The following SNTB2 variants were observed in gnomAD, a reference collection of about 807,000 sequenced individuals.
SNTB2 encodes syntrophin beta 2, also known as beta-2-syntrophin.
In SNTB2, 34 loss-of-function variants were observed where a neutral mutation model predicts 46.2. The observed-to-expected ratio is 0.74, with a 90% confidence interval of 0.56 to 0.98. The LOEUF (loss-of-function observed/expected upper bound fraction) is 0.98, where lower values mean the gene tolerates loss of function less well. Among genes scored for constraint, SNTB2 ranks in the 50% least tolerant of loss-of-function variants. SNTB2 has a pLI of 0.00. For synonymous variants in SNTB2, 290 were observed against 312.6 expected, an observed-to-expected ratio of 0.93 and a Z score of 0.76; for missense variants, 603 against 731.4, an observed-to-expected ratio of 0.82 and a Z score of 2.02.
chr16:69,248,990 T>C (rs1283815810), intron 2 of SNTB2, among the ~76,000 whole-genome samples: 1 of 149,926 alleles, frequency 6.7e-6, no homozygotes, highest in Non-Finnish European at 1.5e-5. Flanking sequence ...CTGAGAAAAG[T>C]ATAGAGTCAA....
chr16:69,212,052 A>G (rs1489406998), intron 1 of SNTB2, among the ~76,000 whole-genome samples: 3 of 152,206 alleles, frequency 2.0e-5, no homozygotes, highest in Admixed American at 2.0e-4. Flanking sequence ...CTGACTATCA[A>G]CAACCTTTCA....
chr16:69,286,769 G>A (rs1965107239), intron 5 of SNTB2, among the ~76,000 whole-genome samples: 1 of 151,602 alleles, frequency 6.6e-6, no homozygotes, highest in Admixed American at 6.6e-5. Flanking sequence ...AGCTGCTCAG[G>A]TGGCTAAGGT....
At chr16:69,258,605 CTTTTT>C (rs67116274) in intron 2 of SNTB2, among the ~76,000 whole-genome samples, 2 of 83,504 alleles carry the variant, frequency 2.4e-5, no homozygotes, top group African/African-American at 4.7e-5. Context: ...CTTGTTCTTT[CTTTTT>C]TTTTTTTTTT....
intron 1 of SNTB2, among the ~76,000 whole-genome samples, chr16:69,201,757 T>C (rs1211226258): frequency 1.3e-5 from 2 of 152,178 alleles, no homozygotes; most frequent in African/African-American, 4.8e-5. Context: ...AATAGTTATT[T>C]TAGATTTCGT....
At chr16:69,295,184 T>C (rs1965210902) in intron 5 of SNTB2, among the ~76,000 whole-genome samples, 1 of 151,648 alleles carries the variant, frequency 6.6e-6, no homozygotes, top group Admixed American at 6.6e-5. Context: ...TGTGTGTCTT[T>C]TTCTATTTCT....
intron 1 of SNTB2, among the ~76,000 whole-genome samples, chr16:69,234,821 GC>G (rs763555800): frequency 6.6e-6 from 1 of 151,440 alleles, no homozygotes; most frequent in Non-Finnish European, 1.5e-5. Flanking sequence ...TTCTGCCTCA[GC>G]CTCCCAGGTA....
At chr16:69,208,971 A>AGTGTGTGTGTGTGTGT (rs570119837) in intron 1 of SNTB2, among the ~76,000 whole-genome samples, 1 of 149,118 alleles carries the variant, frequency 6.7e-6, no homozygotes, top group Admixed American at 6.6e-5. Flanking sequence ...TGAATTTTTG[A>AGTGTGTGTGTGTGTGT]GTGTGTGTGT....
At chr16:69,279,162 A>G (rs1404428661) in intron 4 of SNTB2, among the ~76,000 whole-genome samples, 1 of 152,146 alleles carries the variant, frequency 6.6e-6, no homozygotes, top group Non-Finnish European at 1.5e-5. Flanking sequence ...TTGAACAACA[A>G]TTCTCCATTT....
rs1343612875 is a variant in SNTB2, at chr16:69,308,011, T to TTGCCCA, written c.*7088_*7093dup. ...GCTTTTCAGGCAACATCCTTGGTCA[T>TTGCCCA]TGCCCAGAAAGTACCTGAGCTATCA... On this transcript the variant is annotated 3_prime_UTR_variant, in exon 7 of 7. Transcript: ENST00000336278. The TTGCCCA allele has an allele frequency of 2.6e-5, 4 of 152,360 alleles. No individual in the cohort carries two copies. The highest frequency in any genetic ancestry group is 5.9e-5 in the Non-Finnish European group (4 of 68,038). The allele number at this position is 152,360 out of a possible 1,614,324, so 9.4% of individuals were successfully genotyped here.
At chr16:69,253,412 GA>G (rs1964744159) in intron 2 of SNTB2, among the ~76,000 whole-genome samples, 1 of 151,818 alleles carries the variant, frequency 6.6e-6, no homozygotes, top group African/African-American at 2.4e-5. Flanking sequence ...CACTTTGGGA[GA>G]CCGAGGCGGG....
intron 1 of SNTB2, among the ~76,000 whole-genome samples, chr16:69,192,795 A>T (rs1964067680): frequency 6.6e-6 from 1 of 152,210 alleles, no homozygotes; most frequent in South Asian, 2.1e-4. Flanking sequence ...ATATATGAAC[A>T]AAGTGCTAGT....
intron 3 of SNTB2, among the ~76,000 whole-genome samples, chr16:69,268,956 G>C (rs9922913): frequency 0.025 from 3,757 of 151,508 alleles, 161 homozygotes; most frequent in African/African-American, 0.086. Flanking sequence ...GATCATCTAA[G>C]ATCAGGAGTT....
At chr16:69,272,889 C>CAAAA (rs34011617) in intron 4 of SNTB2, among the ~76,000 whole-genome samples, 7 of 80,674 alleles carry the variant, frequency 8.7e-5, no homozygotes, top group South Asian at 4.7e-4. Flanking sequence ...GACTCTGTCT[C>CAAAA]AAAAAAAAAA....
At chr16:69,219,779 T>C (rs1964382679) in intron 1 of SNTB2, among the ~76,000 whole-genome samples, 1 of 151,820 alleles carries the variant, frequency 6.6e-6, no homozygotes, top group South Asian at 2.1e-4. Flanking sequence ...GGAGATGGAG[T>C]CTCACTGTGT....
intron 2 of SNTB2, among the ~76,000 whole-genome samples, chr16:69,259,114 T>C (rs1236104417): frequency 6.6e-6 from 1 of 151,986 alleles, no homozygotes. Context: ...TGATCTACTG[T>C]AGACTCTACA....
chr16:69,228,717 A>G (rs914862361), intron 1 of SNTB2, among the ~76,000 whole-genome samples: 1 of 152,122 alleles, frequency 6.6e-6, no homozygotes, highest in Non-Finnish European at 1.5e-5. Flanking sequence ...AAGTATATGT[A>G]TACATACACA....
chr16:69,251,468 T>TA (rs71148976), intron 2 of SNTB2, among the ~76,000 whole-genome samples: 10,913 of 106,136 alleles, frequency 0.1, 618 homozygotes, highest in South Asian at 0.14. Context: ...ATGTTTAGTT[T>TA]AAAAAAAAAA....
chr16:69,268,186 G>A (rs1461103025), intron 3 of SNTB2, among the ~76,000 whole-genome samples: 2 of 152,102 alleles, frequency 1.3e-5, no homozygotes, highest in Non-Finnish European at 1.5e-5. Context: ...ACAATGGGCC[G>A]GGCGCAGTGG....
chr16:69,248,491 G>A (rs1964692483), intron 2 of SNTB2, among the ~76,000 whole-genome samples: 1 of 152,100 alleles, frequency 6.6e-6, no homozygotes, highest in Non-Finnish European at 1.5e-5. Flanking sequence ...AAACAGCCAG[G>A]CATGGTGGCA....
Sources: allele counts gnomAD v4.1 joint callset (sites outside exome capture counted in the v4.1 genomes callset), GRCh38; gene constraint gnomAD v4.1.1; transcripts MANE v1.5; gene names NCBI Gene and HGNC (gene_info 2026-07-23, HGNC 2026-07-21).